TMPRSS5: variants seen among roughly 807,000 people sequenced by gnomAD.
TMPRSS5 encodes transmembrane protease serine 5.
TMPRSS5 carries 45 observed loss-of-function variants against 59.7 expected under a neutral mutation model. The observed-to-expected ratio is 0.75, with a 90% CI of 0.59 to 0.97. TMPRSS5 has a LOEUF of 0.97. Ranked by LOEUF, TMPRSS5 falls within the 50% of genes least tolerant of loss-of-function variation. The probability of loss-of-function intolerance (pLI) is 0.00; values close to 1 mark genes in which losing one functional copy is unlikely to be tolerated. For synonymous variants in TMPRSS5, 225 were observed against 232.0 expected, an observed-to-expected ratio of 0.97 and a Z score of 0.27; for missense variants, 585 against 596.7, an observed-to-expected ratio of 0.98 and a Z score of 0.20.
intron 7 of TMPRSS5, 71 bp from the exon 8 acceptor site, chr11:113,694,711 A>G: frequency 7.0e-7 from 1 of 1,419,446 alleles, no homozygotes; most frequent in East Asian, 2.5e-5. Flanking sequence ...ACTCTCAGGA[A>G]GCGTGGCCCA....
chr11:113,703,639 C>G (rs1279584827), intron 1 of TMPRSS5, among the ~76,000 whole-genome samples: 1 of 152,184 alleles, frequency 6.6e-6, no homozygotes, highest in East Asian at 1.9e-4. Flanking sequence ...TTGTAATTAC[C>G]ACGCACTGGG....
intron 1 of TMPRSS5, among the ~76,000 whole-genome samples, chr11:113,700,719 C>T (rs762687156): frequency 5.3e-5 from 8 of 152,134 alleles, no homozygotes; most frequent in Non-Finnish European, 8.8e-5. Flanking sequence ...GTAGTCTGGT[C>T]CTGAAGATAA....
intron 10 of TMPRSS5, 74 bp downstream of exon 10, chr11:113,690,767 T>A: frequency 7.4e-7 from 1 of 1,348,600 alleles, no homozygotes; most frequent in Non-Finnish European, 1.0e-6. Context: ...CCAGGGGATG[T>A]GGCCTTGCCT....
intron 10 of TMPRSS5, 97 bp from the exon 11 acceptor site, chr11:113,690,470 A>T: frequency 6.7e-7 from 1 of 1,490,002 alleles, no homozygotes; most frequent in South Asian, 1.3e-5. Flanking sequence ...AGAGACAGGG[A>T]GACCCAAAGA....
intron 1 of TMPRSS5, among the ~76,000 whole-genome samples, chr11:113,702,074 A>G (rs2134826743): frequency 1.3e-5 from 2 of 152,222 alleles, no homozygotes; most frequent in African/African-American, 4.8e-5. Flanking sequence ...GTCTGCTGAG[A>G]ATAATGGCTT....
intron 1 of TMPRSS5, among the ~76,000 whole-genome samples, chr11:113,703,015 C>T (rs898740858): frequency 6.6e-6 from 1 of 152,228 alleles, no homozygotes; most frequent in African/African-American, 2.4e-5. Context: ...ACAGAGTTCC[C>T]ACTGGGGCAC....
chr11:113,690,144 A>G, intron 11 of TMPRSS5, 87 bp downstream of exon 11: 1 of 1,474,328 alleles, frequency 6.8e-7, no homozygotes, highest in Non-Finnish European at 9.0e-7. Flanking sequence ...AGCTCAGACC[A>G]GGGCAGGGGG....
chr11:113,702,941 G>A (rs1220553829), intron 1 of TMPRSS5, among the ~76,000 whole-genome samples: 1 of 152,248 alleles, frequency 6.6e-6, no homozygotes, highest in Non-Finnish European at 1.5e-5. Context: ...TACAGGGATG[G>A]AGCCCTCATG....
intron 11 of TMPRSS5, 90 bp downstream of exon 11, chr11:113,690,141 A>T: frequency 6.8e-7 from 1 of 1,472,900 alleles, no homozygotes; most frequent in Non-Finnish European, 9.0e-7. Flanking sequence ...ACAAGCTCAG[A>T]CCAGGGCAGG....
At chr11:113,689,334 C>A (rs1426561860) in intron 12 of TMPRSS5, among the ~76,000 whole-genome samples, 9 of 151,800 alleles carry the variant, frequency 5.9e-5, no homozygotes, top group Non-Finnish European at 1.2e-4. Context: ...CCTGCCTGGG[C>A]AACAAGAGCA....
At chr11:113,695,495 A>C in intron 6 of TMPRSS5, 52 bp from the exon 7 acceptor site, 4 of 1,590,178 alleles carry the variant, frequency 2.5e-6, no homozygotes, top group Non-Finnish European at 3.5e-6. Context: ...CCCTGCAGCC[A>C]CACACATCCA....
rs745569440 is a variant in TMPRSS5 at position 113,689,864 on chromosome 11, C to A, written c.1260G>T (p.Val420=). Residue 420 remains valine (V), a synonymous_variant, in exon 12 of 13, where the codon GTG becomes GTT. Coordinates refer to ENST00000299882, the MANE Select transcript of TMPRSS5 (RefSeq NM_030770.4). ...VCPDGDTWRL[V]GVVSWGRGCA... ...AGCCACGCCCCCAGCTGACCACCCC[C>A]ACTAGGCGCCATGTGTCCCCATCTG... The A allele has an allele frequency of 1.3e-6, 2 of 1,581,344 alleles. No homozygotes were observed. The highest frequency in any genetic ancestry group is 8.6e-7 in the Non-Finnish European group (1 of 1,164,000).
intron 5 of TMPRSS5, 23 bp from the exon 6 acceptor site, chr11:113,696,994 A>G (rs755600097): frequency 6.6e-7 from 1 of 1,512,122 alleles, no homozygotes; most frequent in Non-Finnish European, 9.0e-7. Flanking sequence ...AGGGAATAGA[A>G]CAGGAGGAAA....
chr11:113,694,721 A>T, intron 7 of TMPRSS5, 81 bp from the exon 8 acceptor site: 1 of 1,376,774 alleles, frequency 7.3e-7, no homozygotes, highest in Non-Finnish European at 9.7e-7. Context: ...AGCGTGGCCC[A>T]GTGCTAAGCC....
chr11:113,697,068 T>C, intron 5 of TMPRSS5, 97 bp from the exon 6 acceptor site: 1 of 1,167,004 alleles, frequency 8.6e-7, no homozygotes, highest in Non-Finnish European at 1.3e-6. Context: ...TGATAATGAT[T>C]ACTGCTGGGG....
chr11:113,703,851 C>T (rs1279270312), intron 1 of TMPRSS5, among the ~76,000 whole-genome samples: 1 of 152,172 alleles, frequency 6.6e-6, no homozygotes. Context: ...CTGAGGCTTC[C>T]CCAGCCATGC....
chr11:113,700,245 C>T (rs1953093841), intron 1 of TMPRSS5, 77 bp from the exon 2 acceptor site: 2 of 1,310,114 alleles, frequency 1.5e-6, no homozygotes, highest in Admixed American at 2.9e-5. Context: ...AGTCCAAGTC[C>T]CCATTCTTTA....
chr11:113,693,245 T>TG lies in TMPRSS5; in HGVS notation c.789dup (p.Arg264GlnfsTer43). On this transcript the variant is annotated frameshift_variant, in exon 9 of 13. Transcript: ENST00000299882. LOFTEE classifies it high-confidence loss of function. Reference sequence around the variant, plus strand: ...CGCCAGCTGGACAGGCGGGCCAGCCTGAAACTGCACACAGGGGCCATGCTG... The same window carrying TG: ...CGCCAGCTGGACAGGCGGGCCAGCCTGGAAACTGCACACAGGGGCCATGCTG... The TG allele has an allele frequency of 6.4e-7, 1 of 1,560,556 alleles. No individual in the cohort carries two copies. Among genetic ancestry groups the TG allele is most frequent in the Non-Finnish European group, 8.7e-7 (1 of 1,151,552 alleles).
At chr11:113,703,707 A>C (rs1434143888) in intron 1 of TMPRSS5, among the ~76,000 whole-genome samples, 2 of 152,236 alleles carry the variant, frequency 1.3e-5, no homozygotes, top group Non-Finnish European at 2.9e-5. Context: ...TGCTATTCTC[A>C]TGATAGTGAG....
Sources: gnomAD v4.1 joint callset for allele counts (sites outside exome capture counted in the v4.1 genomes callset) on GRCh38, gnomAD v4.1.1 for gene constraint, MANE v1.5 for transcripts, NCBI Gene and HGNC (gene_info 2026-07-23, HGNC 2026-07-21) for gene names.